The following KAZN variants were observed in gnomAD, a reference collection of about 807,000 sequenced individuals.
The protein encoded by KAZN is kazrin.
Under a neutral mutation model 87.4 loss-of-function variants are expected in KAZN, and 40 were observed. The observed-to-expected ratio is 0.46, with a 90% CI of 0.36 to 0.60. The LOEUF (loss-of-function observed/expected upper bound fraction) is 0.60. Among genes scored for constraint, KAZN ranks in the 20% least tolerant of loss-of-function variants. The pLI is 0.00. For synonymous variants in KAZN, 466 were observed against 458.3 expected (o/e 1.02, Z -0.22); for missense variants, 898 against 1,073.9 (o/e 0.84, Z 2.29).
chr1:14,648,861 A>C (rs1004668473), intron 1 of KAZN, among the ~76,000 whole-genome samples: 2 of 152,172 alleles, frequency 1.3e-5, no homozygotes, highest in African/African-American at 4.8e-5. Flanking sequence ...TGGTCACTGG[A>C]GTCTTTGGGG....
intron 1 of KAZN, among the ~76,000 whole-genome samples, chr1:13,962,596 C>T (rs1641794885): frequency 6.6e-6 from 1 of 152,126 alleles, no homozygotes; most frequent in South Asian, 2.1e-4. Flanking sequence ...CTTGCTCTGT[C>T]ACCCAGGCTG....
intron 1 of KAZN, among the ~76,000 whole-genome samples, chr1:14,708,309 CAG>C (rs1642316665): frequency 6.6e-6 from 1 of 152,166 alleles, no homozygotes; most frequent in South Asian, 2.1e-4. Context: ...AAGGAGAACT[CAG>C]AGGTGATTAA....
chr1:14,459,196 C>A (rs1159261688), intron 2 of KAZN, among the ~76,000 whole-genome samples: 1 of 152,118 alleles, frequency 6.6e-6, no homozygotes, highest in East Asian at 1.9e-4. Context: ...TCCCCCTACC[C>A]TGTTATGTCA....
intron 1 of KAZN, among the ~76,000 whole-genome samples, chr1:13,914,073 GA>G (rs1327537286): frequency 1.3e-5 from 2 of 152,200 alleles, no homozygotes; most frequent in Non-Finnish European, 2.9e-5. Context: ...AATGTGCTAG[GA>G]TTTGCAACAA....
At chr1:15,038,587 C>G (rs1672575415) in intron 3 of KAZN, among the ~76,000 whole-genome samples, 1 of 152,008 alleles carries the variant, frequency 6.6e-6, no homozygotes, top group Non-Finnish European at 1.5e-5. Context: ...TTACCAATAT[C>G]CAATGTTTAT....
chr1:14,631,798 G>A (rs1016046305), intron 1 of KAZN, among the ~76,000 whole-genome samples: 16 of 152,216 alleles, frequency 1.1e-4, no homozygotes, highest in African/African-American at 2.2e-4. Flanking sequence ...GGAAGCTCTC[G>A]GGTGAAATGT....
chr1:14,904,073 G>A (rs1656222508), intron 1 of KAZN, among the ~76,000 whole-genome samples: 2 of 152,182 alleles, frequency 1.3e-5, no homozygotes, highest in Admixed American at 1.3e-4. Flanking sequence ...CACCTGATTA[G>A]CTAGTTGGCC....
intron 1 of KAZN, among the ~76,000 whole-genome samples, chr1:14,755,765 A>C (rs1644546046): frequency 6.6e-6 from 1 of 152,204 alleles, no homozygotes. Context: ...CTCAGATGGC[A>C]TTTAGCCTCC....
intron 2 of KAZN, among the ~76,000 whole-genome samples, chr1:14,530,312 C>T (rs904413866): frequency 6.6e-5 from 10 of 152,232 alleles, no homozygotes; most frequent in African/African-American, 2.4e-4. Flanking sequence ...TCTGAGCCAC[C>T]TCTAACAGGG....
At chr1:15,113,402 G>A (rs1465288031) in intron 14 of KAZN, 1 of 151,888 alleles carries the variant, frequency 6.6e-6, no homozygotes, top group Non-Finnish European at 1.5e-5. Flanking sequence ...GGTGCAATTA[G>A]GAAAAAACTG....
intron 1 of KAZN, among the ~76,000 whole-genome samples, chr1:14,080,067 T>C (rs1447329775): frequency 6.6e-6 from 1 of 152,108 alleles, no homozygotes; most frequent in East Asian, 1.9e-4. Context: ...CAGATGAATT[T>C]TGGGGGGATG....
intron 1 of KAZN, among the ~76,000 whole-genome samples, chr1:13,984,542 G>A (rs1638918301): frequency 6.6e-6 from 1 of 152,212 alleles, no homozygotes; most frequent in Admixed American, 6.5e-5. Context: ...AGAGATGGAT[G>A]AAGATGATAA....
chr1:13,990,131 C>T (rs1462986591), intron 1 of KAZN, among the ~76,000 whole-genome samples: 1 of 152,110 alleles, frequency 6.6e-6, no homozygotes, highest in Non-Finnish European at 1.5e-5. Context: ...GGTATAAAAC[C>T]AAGCACACAT....
chr1:14,029,942 T>C (rs944863201), intron 1 of KAZN, among the ~76,000 whole-genome samples: 1 of 152,248 alleles, frequency 6.6e-6, no homozygotes, highest in African/African-American at 2.4e-5. Context: ...GGCTTAGGAT[T>C]GCCTTGGCAA....
At chr1:14,052,653 GGGGCAGAGGCCCA>G (rs1642389546) in intron 1 of KAZN, among the ~76,000 whole-genome samples, 1 of 152,176 alleles carries the variant, frequency 6.6e-6, no homozygotes, top group East Asian at 1.9e-4. Flanking sequence ...GATGTGTAGG[GGGGCAGAGGCCCA>G]TTTGGTGAGC....
At chr1:13,942,228 A>T (rs35579169) in intron 1 of KAZN, among the ~76,000 whole-genome samples, 21,070 of 151,854 alleles carry the variant, frequency 0.14, 1,542 homozygotes, top group Middle Eastern at 0.22. Flanking sequence ...AGCAGAACAA[A>T]TTTTTTTTCT....
intron 2 of KAZN, among the ~76,000 whole-genome samples, chr1:14,327,565 G>C (rs1557641982): frequency 6.6e-6 from 1 of 152,144 alleles, no homozygotes; most frequent in East Asian, 1.9e-4. Context: ...AATGCCTAGA[G>C]TCTAATTATT....
chr1:14,387,160 C>G (rs1661986308), intron 2 of KAZN, among the ~76,000 whole-genome samples: 1 of 152,160 alleles, frequency 6.6e-6, no homozygotes, highest in South Asian at 2.1e-4. Flanking sequence ...GTTTTCAGCT[C>G]CATCAGCTCC....
intron 2 of KAZN, among the ~76,000 whole-genome samples, chr1:14,365,970 C>T (rs1449301291): frequency 6.6e-6 from 1 of 152,174 alleles, no homozygotes; most frequent in Non-Finnish European, 1.5e-5. Flanking sequence ...ACCTGGAGGC[C>T]ACAGTTATTA....
Sources: allele counts gnomAD v4.1 joint callset (sites outside exome capture counted in the v4.1 genomes callset), GRCh38; gene constraint gnomAD v4.1.1; transcripts MANE v1.5; gene names NCBI Gene and HGNC (gene_info 2026-07-23, HGNC 2026-07-21).